The following DLG2 variants were observed in gnomAD, a reference collection of about 807,000 sequenced individuals.
The protein encoded by DLG2 is discs large MAGUK scaffold protein 2.
A neutral mutation model predicts 132.5 loss-of-function variants in DLG2; 45 were observed. The observed-to-expected ratio is 0.34, with a 90% CI of 0.27 to 0.44. The LOEUF (loss-of-function observed/expected upper bound fraction) is 0.44. DLG2 is among the 20% of genes least tolerant of loss of function. DLG2 has a pLI of 1.00. For missense variants in DLG2, 1,045 were observed against 1,196.9 expected, an observed-to-expected ratio of 0.87 and a Z score of 1.87; for synonymous variants, 424 against 419.6, an observed-to-expected ratio of 1.01 and a Z score of -0.13.
chr11:85,463,718 C>A (rs1394244870), intron 3 of DLG2, among the ~76,000 whole-genome samples: 1 of 152,008 alleles, frequency 6.6e-6, no homozygotes, highest in Non-Finnish European at 1.5e-5. Context: ...CTGCAGGGAG[C>A]TATAATCATG....
intron 6 of DLG2, among the ~76,000 whole-genome samples, chr11:84,657,656 G>C (rs972274745): frequency 1.3e-5 from 2 of 152,124 alleles, no homozygotes; most frequent in African/African-American, 4.8e-5. Flanking sequence ...GCTCCTATGA[G>C]AATCTAATGC....
At chr11:85,426,110 A>G (rs560172450) in intron 3 of DLG2, among the ~76,000 whole-genome samples, 20 of 152,336 alleles carry the variant, frequency 1.3e-4, no homozygotes, top group African/African-American at 4.6e-4. Flanking sequence ...GCCATTGCCG[A>G]GGCTTGAGTA....
At chr11:83,724,995 A>G in intron 18 of DLG2, 2 of 690,760 alleles carry the variant, frequency 2.9e-6, no homozygotes, top group Non-Finnish European at 5.3e-6. Flanking sequence ...GACGCTCTTG[A>G]GTGGTGGCCA....
At chr11:84,190,034 A>T (rs2096374160) in intron 8 of DLG2, among the ~76,000 whole-genome samples, 1 of 152,048 alleles carries the variant, frequency 6.6e-6, no homozygotes, top group African/African-American at 2.4e-5. Flanking sequence ...GACAAACCGC[A>T]CAGTAAGGTA....
intron 7 of DLG2, among the ~76,000 whole-genome samples, chr11:84,489,587 A>C (rs545634862): frequency 6.6e-6 from 1 of 152,008 alleles, no homozygotes; most frequent in African/African-American, 2.4e-5. Flanking sequence ...CCTAGCTCCT[A>C]ATAATTTATG....
At chr11:84,188,156 C>T (rs2096321013) in intron 8 of DLG2, among the ~76,000 whole-genome samples, 1 of 152,046 alleles carries the variant, frequency 6.6e-6, no homozygotes, top group South Asian at 2.1e-4. Flanking sequence ...GTTTTAGCAA[C>T]CTTGAGGGAG....
chr11:83,499,852 G>GATATATATATATAT lies in DLG2; in HGVS notation c.2194-15638_2194-15625dup, dbSNP rs60890814. The stretch of plus-strand genomic sequence containing the variant: ...ATATATATTTCCTCCACTAATAGGA[G>GATATATATATATAT]ATATATATATATATATATATATATA... On this transcript the variant is annotated intron_variant, in intron 21 of 27. Coordinates refer to ENST00000376104, the MANE Select transcript of DLG2 (RefSeq NM_001142699.3). 1.1e-4 allele frequency among the ~76,000 whole-genome samples: 7 copies of GATATATATATATAT among 61,638 alleles called. 1 individual carries two copies. Among genetic ancestry groups the GATATATATATATAT allele is most frequent in the Non-Finnish European group, 1.7e-4 (5 of 30,044 alleles). The allele number at this position is 61,638 out of a possible 152,430, so 40.4% of individuals were successfully genotyped here.
chr11:85,081,087 T>C lies in DLG2; in HGVS notation c.357+30574A>G, dbSNP rs563171775. Among the ~76,000 whole-genome samples, 27 of 152,268 alleles carry C rather than the reference T, an allele frequency of 1.8e-4. 1 individual carries two copies. The highest frequency in any genetic ancestry group is 6.3e-4 in the African/African-American group (26 of 41,562). On this transcript the variant is annotated intron_variant, in intron 6 of 27. Coordinates refer to ENST00000376104, the MANE Select transcript of DLG2 (RefSeq NM_001142699.3). ...CTAATAAAAACAAACAGGAATTATT[T>C]TGATAAAACATTAAAGCTTTGTTTC... is the stretch of plus-strand genomic sequence containing the variant.
chr11:84,324,267 T>A (rs968503446), intron 7 of DLG2, among the ~76,000 whole-genome samples: 1 of 152,136 alleles, frequency 6.6e-6, no homozygotes, highest in Non-Finnish European at 1.5e-5. Flanking sequence ...TTCTTTTGCA[T>A]ATGATTATTC....
chr11:84,488,212 G>C (rs1408000437), intron 7 of DLG2, among the ~76,000 whole-genome samples: 5 of 152,098 alleles, frequency 3.3e-5, no homozygotes, highest in African/African-American at 1.2e-4. Flanking sequence ...AAGTCAAAGA[G>C]AAGATCAGAG....
chr11:84,222,307 C>G (rs1329465333), intron 8 of DLG2, among the ~76,000 whole-genome samples: 1 of 152,200 alleles, frequency 6.6e-6, no homozygotes. Flanking sequence ...GCTGGGATTA[C>G]AGGTGTATGC....
chr11:83,954,763 G>C (rs2086387148), intron 14 of DLG2, among the ~76,000 whole-genome samples: 1 of 152,298 alleles, frequency 6.6e-6, no homozygotes, highest in African/African-American at 2.4e-5. Flanking sequence ...ATTTTAGCCA[G>C]AGGGAAAACT....
chr11:84,949,184 A>G (rs1197811251), intron 6 of DLG2, among the ~76,000 whole-genome samples: 1 of 152,180 alleles, frequency 6.6e-6, no homozygotes, highest in East Asian at 1.9e-4. Flanking sequence ...GATGGCCCAC[A>G]AGCCACAAAA....
At chr11:84,749,898 G>A (rs1204000920) in intron 6 of DLG2, among the ~76,000 whole-genome samples, 2 of 152,086 alleles carry the variant, frequency 1.3e-5, no homozygotes, top group African/African-American at 4.8e-5. Context: ...AGTAATCCCT[G>A]TAAGGCAGAG....
chr11:83,734,323 A>G (rs2091521696), intron 18 of DLG2, among the ~76,000 whole-genome samples: 1 of 151,350 alleles, frequency 6.6e-6, no homozygotes. Context: ...AAATCAATTT[A>G]TGATCACTAA....
chr11:85,341,694 A>G (rs2082514883), intron 3 of DLG2, among the ~76,000 whole-genome samples: 1 of 152,228 alleles, frequency 6.6e-6, no homozygotes, highest in South Asian at 2.1e-4. Context: ...ACAATCATGC[A>G]TCATTTAACA....
chr11:83,688,567 T>G (rs970718077), intron 18 of DLG2, among the ~76,000 whole-genome samples: 6 of 152,168 alleles, frequency 3.9e-5, no homozygotes, highest in Admixed American at 2.0e-4. Flanking sequence ...CATTCAGTGA[T>G]CCCCATGACA....
intron 9 of DLG2, among the ~76,000 whole-genome samples, chr11:84,161,481 T>A (rs2095545284): frequency 6.6e-6 from 1 of 151,978 alleles, no homozygotes; most frequent in Admixed American, 6.6e-5. Flanking sequence ...AAGTTCAGAG[T>A]ATGGTCATGA....
chr11:83,559,980 T>C (rs2096583496), intron 19 of DLG2, among the ~76,000 whole-genome samples: 2 of 152,220 alleles, frequency 1.3e-5, no homozygotes, highest in Non-Finnish European at 2.9e-5. Flanking sequence ...TAACTTCTTG[T>C]GTAAGTCACT....
Sources: allele counts gnomAD v4.1 joint callset (sites outside exome capture counted in the v4.1 genomes callset), GRCh38; gene constraint gnomAD v4.1.1; transcripts MANE v1.5; gene names NCBI Gene and HGNC (gene_info 2026-07-23, HGNC 2026-07-21).